Variants in GPC6 observed in about 807,000 individuals in gnomAD.
The protein encoded by GPC6 is glypican 6.
A neutral mutation model predicts 55.2 loss-of-function variants in GPC6; 14 were observed. The ratio of observed to expected loss-of-function variants is 0.25; its 90% CI spans 0.17 to 0.40. The LOEUF is 0.40. GPC6 is among the 10% of genes least tolerant of loss of function. The pLI, the probability that GPC6 is intolerant of heterozygous loss-of-function variation, is 1.00. For missense variants in GPC6, 641 were observed against 708.5 expected, an observed-to-expected ratio of 0.90 and a Z score of 1.08; for synonymous variants, 278 against 259.6, an observed-to-expected ratio of 1.07 and a Z score of -0.68.
chr13:93,946,240 A>G (rs994600557), intron 3 of GPC6, among the ~76,000 whole-genome samples: 2 of 152,208 alleles, frequency 1.3e-5, no homozygotes, highest in Non-Finnish European at 2.9e-5. Flanking sequence ...ACAACCTCAA[A>G]AACATAGGTA....
chr13:93,418,647 T>C (rs1173076997), intron 1 of GPC6, among the ~76,000 whole-genome samples: 1 of 151,412 alleles, frequency 6.6e-6, no homozygotes, highest in Non-Finnish European at 1.5e-5. Context: ...CGTAGTATCA[T>C]TTTATTAATA....
chr13:93,879,901 G>T (rs1027748709), intron 3 of GPC6, among the ~76,000 whole-genome samples: 34 of 151,398 alleles, frequency 2.2e-4, no homozygotes, highest in African/African-American at 7.7e-4. Context: ...AAAAGTGGGC[G>T]AAGGACATGA....
chr13:94,305,107 C>T (rs1875873472), intron 5 of GPC6, among the ~76,000 whole-genome samples: 1 of 152,160 alleles, frequency 6.6e-6, no homozygotes, highest in African/African-American at 2.4e-5. Context: ...TGAAATCATC[C>T]TGTGGAGTAA....
intron 4 of GPC6, among the ~76,000 whole-genome samples, chr13:94,208,913 C>T (rs1033221231): frequency 6.6e-6 from 1 of 151,916 alleles, no homozygotes; most frequent in South Asian, 2.1e-4. Flanking sequence ...GGAGATGGAG[C>T]AAGACCCTAT....
At chr13:94,201,640 T>C (rs541211306) in intron 4 of GPC6, among the ~76,000 whole-genome samples, 44 of 152,222 alleles carry the variant, frequency 2.9e-4, no homozygotes, top group Non-Finnish European at 5.6e-4. Flanking sequence ...AGCTGATCAA[T>C]AAAATCATCA....
intron 1 of GPC6, among the ~76,000 whole-genome samples, chr13:93,284,298 CAAATCATG>C (rs1878041916): frequency 6.6e-6 from 1 of 152,122 alleles, no homozygotes; most frequent in Non-Finnish European, 1.5e-5. Flanking sequence ...AAGCCAGCCT[CAAATCATG>C]TGTATGTCTT....
chr13:93,416,826 C>T (rs951522994), intron 1 of GPC6, among the ~76,000 whole-genome samples: 5 of 152,078 alleles, frequency 3.3e-5, no homozygotes, highest in African/African-American at 1.2e-4. Flanking sequence ...GAAAAAAACA[C>T]TGAGGCTCCG....
intron 4 of GPC6, among the ~76,000 whole-genome samples, chr13:94,121,919 G>A (rs944484214): frequency 2.6e-5 from 4 of 152,132 alleles, no homozygotes; most frequent in African/African-American, 9.6e-5. Context: ...CCATGCTTCA[G>A]CACAACTGTT....
chr13:94,139,039 AC>A (rs1255056009), intron 4 of GPC6, among the ~76,000 whole-genome samples: 1 of 152,052 alleles, frequency 6.6e-6, no homozygotes, highest in Non-Finnish European at 1.5e-5. Context: ...CCAGGAGATG[AC>A]ACTGGAGCTG....
chr13:94,186,834 A>T (rs1034079731), intron 4 of GPC6: 1 of 152,198 alleles, frequency 6.6e-6, no homozygotes, highest in East Asian at 1.9e-4. Context: ...CTCTGCATAC[A>T]CTCAAATAGC....
chr13:94,284,286 GT>G (rs1472644737), intron 4 of GPC6, among the ~76,000 whole-genome samples: 2 of 152,158 alleles, frequency 1.3e-5, no homozygotes, highest in Non-Finnish European at 2.9e-5. Context: ...ACCTCATCAT[GT>G]TTGAACTTGG....
chr13:94,271,408 A>ACACACACACACACACT (rs1892020281), intron 4 of GPC6, among the ~76,000 whole-genome samples: 1 of 146,994 alleles, frequency 6.8e-6, no homozygotes, highest in African/African-American at 2.5e-5. Context: ...ACACACACAC[A>ACACACACACACACACT]CTCCATCATG....
intron 2 of GPC6, among the ~76,000 whole-genome samples, chr13:93,797,097 T>TTTCATCCGTTTCTGGTATCAACAAAATC (rs1555332193): frequency 4.0e-5 from 6 of 151,158 alleles, no homozygotes; most frequent in Admixed American, 1.3e-4. Flanking sequence ...TTATTTCTGT[T>TTTCATCCGTTTCTGGTATCAACAAAATC]AATCTGGGCA....
chr13:93,556,954 A>G lies in GPC6; in HGVS notation c.319+11533A>G, dbSNP rs139719665. Among the ~76,000 whole-genome samples the G allele has an allele frequency of 1.8e-3, 267 of 152,244 alleles. No individual in the cohort carries two copies. The Middle Eastern group carries it at 0.02, about 12-fold the overall frequency. ...TTTTTCATAGCACACTTTGATTCAA[A>G]CATAAGGTATGGTTATTGTAGAAAA... On this transcript the variant is annotated intron_variant, in intron 2 of 8. Coordinates refer to ENST00000377047, the MANE Select transcript of GPC6 (RefSeq NM_005708.5).
intron 4 of GPC6, among the ~76,000 whole-genome samples, chr13:94,238,236 G>T (rs1399848169): frequency 1.3e-5 from 2 of 152,122 alleles, no homozygotes; most frequent in African/African-American, 4.8e-5. Flanking sequence ...TTCGAGGAGA[G>T]ATCACAAGTA....
chr13:93,917,918 G>GA (rs1877372664), intron 3 of GPC6, among the ~76,000 whole-genome samples: 1 of 152,072 alleles, frequency 6.6e-6, no homozygotes, highest in Admixed American at 6.5e-5. Context: ...CCAATACGGT[G>GA]AAACCCTGTC....
chr13:93,876,637 AG>A (rs1467065678), intron 3 of GPC6, among the ~76,000 whole-genome samples: 4 of 152,092 alleles, frequency 2.6e-5, no homozygotes, highest in African/African-American at 9.7e-5. Flanking sequence ...AGTTGCCCAA[AG>A]GTAATTTTAA....
intron 3 of GPC6, among the ~76,000 whole-genome samples, chr13:93,978,554 A>G (rs1880627398): frequency 6.6e-6 from 1 of 152,200 alleles, no homozygotes; most frequent in African/African-American, 2.4e-5. Context: ...ATCTACAGAT[A>G]CATATTATAC....
At chr13:94,091,794 T>G (rs1469054566) in intron 4 of GPC6, among the ~76,000 whole-genome samples, 1 of 151,804 alleles carries the variant, frequency 6.6e-6, no homozygotes, top group Non-Finnish European at 1.5e-5. Flanking sequence ...AATTATAGAG[T>G]CACTAAAATG....
Sources: gnomAD v4.1 joint callset for allele counts (sites outside exome capture counted in the v4.1 genomes callset) on GRCh38, gnomAD v4.1.1 for gene constraint, MANE v1.5 for transcripts, NCBI Gene and HGNC (gene_info 2026-07-23, HGNC 2026-07-21) for gene names.